Variants in HSPG2 observed in about 807,000 individuals in gnomAD.
The protein encoded by HSPG2 is basement membrane-specific heparan sulfate proteoglycan core protein.
HSPG2 carries 278 observed loss-of-function variants against 526.6 expected under a neutral mutation model. The ratio of observed to expected loss-of-function variants is 0.53; its 90% CI spans 0.48 to 0.58. HSPG2 has a LOEUF of 0.58. Among genes scored for constraint, HSPG2 ranks in the 20% least tolerant of loss-of-function variants. The pLI is 0.00. For synonymous variants in HSPG2, 2,465 were observed against 2,555.4 expected, an observed-to-expected ratio of 0.96 and a Z score of 1.07; for missense variants, 5,354 against 6,099.5, an observed-to-expected ratio of 0.88 and a Z score of 4.07.
Position 21,855,661 on chromosome 1 carries a change from G to A in HSPG2, c.5716C>T (p.Gln1906Ter). ...TGGATTTGTGCCTTCGCAGGGAGCTGGCCGCCGGGGCCCCCTGACGAGTAG... is the reference window on the plus strand; with the variant it reads ...TGGATTTGTGCCTTCGCAGGGAGCTAGCCGCCGGGGCCCCCTGACGAGTAG... ...TLEWTGGPGG[Q>*]LPAKAQIHGG... The change falls in exon 46 of 97, where the codon CAG becomes TAG. Residue 1906 changes from glutamine (Q) to a stop codon, truncating the protein, a stop_gained. Coordinates refer to ENST00000374695, the MANE Select transcript of HSPG2 (RefSeq NM_005529.7). LOFTEE classifies it high-confidence loss of function. 2.5e-6 allele frequency: 4 copies of A among 1,574,108 alleles called. No individual in the cohort carries two copies. The highest frequency in any genetic ancestry group is 1.1e-5 in the South Asian group (1 of 87,006).
chr1:21,887,146 G>A lies in HSPG2; in HGVS notation c.1078+69C>T. 6.3e-7 allele frequency: 1 copy of A among 1,579,802 alleles called. No individual in the cohort carries two copies. Among genetic ancestry groups the A allele is most frequent in the South Asian group, 1.1e-5 (1 of 89,400 alleles). ...GGCAGGGTAGGGGCGGGGCAGGAGTGGAAGGCGGGGCAGGAGCAAGCGGCC... is the reference window on the plus strand; with the variant it reads ...GGCAGGGTAGGGGCGGGGCAGGAGTAGAAGGCGGGGCAGGAGCAAGCGGCC... On this transcript the variant is annotated intron_variant, in intron 9 of 96. Transcript: ENST00000374695. This position sits in a 1 kb window ranked among gnomAD's most constrained non-coding sequence, Gnocchi z 5.0.
At chr1:21,908,685 A>T in intron 1 of HSPG2, 2 of 478,628 alleles carry the variant, frequency 4.2e-6, no homozygotes, top group Non-Finnish European at 7.3e-6. Context: ...TCACTGCTTA[A>T]TGAGTTTGAA....
chr1:21,843,498 T>G lies in HSPG2; in HGVS notation c.8617-60A>C, dbSNP rs2098058023. On this transcript the variant is annotated intron_variant, in intron 65 of 96. Transcript: ENST00000374695. ...CTGGGAGCCTTCAGATGCCCAGGCCTCTGGTACCCACACCCTGGGACTGCC... is the reference window on the plus strand; with the variant it reads ...CTGGGAGCCTTCAGATGCCCAGGCCGCTGGTACCCACACCCTGGGACTGCC... 6 of 1,556,842 alleles carry G rather than the reference T, an allele frequency of 3.9e-6. No homozygotes were observed. In the South Asian group the frequency reaches 7.0e-5, roughly 18 times the overall value.
rs139838884 is a variant in HSPG2, at chr1:21,844,159, C to G, written c.8605G>C (p.Ala2869Pro). 2.4e-4 allele frequency: 392 copies of G among 1,613,184 alleles called. 3 individuals are homozygous for G. Among genetic ancestry groups the G allele is most frequent in the African/African-American group, 1.5e-3 (113 of 75,060 alleles). ...TWHKRGGNLP[A>P]RHQVHGPLLR... ...TCCAGCTCCTTTACCTGGTGCCGGG[C>G]AGGGAGGTTTCCTCCACGCTTGTGC... is the stretch of plus-strand genomic sequence containing the variant. The change falls in exon 65 of 97, where the codon GCC becomes CCC. Residue 2869 changes from alanine (A) to proline (P), a missense_variant. Physicochemically the swap from Ala to Pro is conservative, Grantham distance 27 (BLOSUM62 -1). Coordinates refer to ENST00000374695, the MANE Select transcript of HSPG2 (RefSeq NM_005529.7).
intron 76 of HSPG2, 79 bp downstream of exon 76, chr1:21,835,461 A>AT: frequency 1.1e-6 from 1 of 918,188 alleles, no homozygotes; most frequent in Non-Finnish European, 1.8e-6. Context: ...CCTAGGGAAC[A>AT]GGGTCTGGGC....
intron 70 of HSPG2, 107 bp from the exon 71 acceptor site, chr1:21,841,392 A>C (rs963249592): frequency 1.3e-6 from 2 of 1,557,846 alleles, no homozygotes; most frequent in Non-Finnish European, 8.8e-7. Context: ...CTGTCTCCCC[A>C]CTGCACTGAG....
rs35937490 is a variant in HSPG2, at chr1:21,929,582, G to GTTT, written c.63+7570_63+7572dup. 1.2e-3 allele frequency among the ~76,000 whole-genome samples: 154 copies of GTTT among 125,160 alleles called. 1 individual carries two copies. Among genetic ancestry groups the GTTT allele is most frequent in the South Asian group, 2.9e-3 (11 of 3,808 alleles). The allele number at this position is 125,160 out of a possible 152,430, so 82.1% of individuals were successfully genotyped here. On this transcript the variant is annotated intron_variant, in intron 1 of 96. Transcript: ENST00000374695. ...GCCACCACTCCTGGCCCACCTGCCG[G>GTTT]TTTTTTTTTTTTTTTTTTTAGGAAT...
intron 1 of HSPG2, among the ~76,000 whole-genome samples, chr1:21,903,322 C>T (rs1437538827): frequency 2.0e-5 from 3 of 152,182 alleles, no homozygotes; most frequent in Admixed American, 6.5e-5. Flanking sequence ...AGCAAAAGGC[C>T]GGGCATGGTG....
chr1:21,886,073 C>T (rs968746952), intron 9 of HSPG2, among the ~76,000 whole-genome samples: 2 of 152,234 alleles, frequency 1.3e-5, no homozygotes, highest in Non-Finnish European at 2.9e-5. Flanking sequence ...GCGGAAGCCG[C>T]GCATCCACAG....
In HSPG2 at chr1:21,859,478, G is replaced by T; in HGVS notation, c.5293+88C>A. On this transcript the variant is annotated intron_variant, in intron 42 of 96. Transcript: ENST00000374695. This position sits in a 1 kb window ranked among gnomAD's most constrained non-coding sequence, Gnocchi z 5.3. The stretch of plus-strand genomic sequence containing the variant: ...TTCGGGCAACCACTGCCCCCTCCCA[G>T]CAGGTGAATGCACCATCTGCCTGAA... 1 of 1,015,614 alleles carries T rather than the reference G, an allele frequency of 9.8e-7. No homozygotes were observed. The allele number at this position is 1,015,614 out of a possible 1,614,324, so 62.9% of individuals were successfully genotyped here.
chr1:21,884,241 G>T (rs575921897), intron 13 of HSPG2, among the ~76,000 whole-genome samples: 2 of 152,132 alleles, frequency 1.3e-5, no homozygotes, highest in South Asian at 4.1e-4. Context: ...CTTGACCCAG[G>T]ACACAGGTGG....
Position 21,823,338 on chromosome 1 carries a change from T to C in HSPG2, c.13154A>G (p.Asn4385Ser), listed in dbSNP as rs535745871. 5 of 1,541,948 alleles carry C rather than the reference T, an allele frequency of 3.2e-6. No homozygotes were observed. In the African/African-American group the frequency reaches 6.8e-5, roughly 21 times the overall value. ...TGCCTACGAGGGGCAGGGGCGTGTG[T>C]TGGCCCCGGCCTGGGCGCGGTGCTG... is the stretch of plus-strand genomic sequence containing the variant. Reference protein sequence around the residue: ...DLQHRAQAGANTRPCPS With the variant: ...DLQHRAQAGASTRPCPS The change falls in exon 97 of 97, where the codon AAC becomes AGC. Residue 4385 changes from asparagine (N) to serine (S), a missense_variant. Transcript: ENST00000374695.
chr1:21,864,966 C>T lies in HSPG2; in HGVS notation c.4503G>A (p.Pro1501=), dbSNP rs781260091. ...LLIRATFSSV[P]LAASISAVSL... ...TGACTGCGCTGATGCTGGCCGCCAG[C>T]GGCACGGAGGAGAACGTGGCCCGGA... The change falls in exon 36 of 97, where the codon CCG becomes CCA. Residue 1501 remains proline, a synonymous_variant. Coordinates refer to ENST00000374695, the MANE Select transcript of HSPG2 (RefSeq NM_005529.7). The surrounding 1 kb of genome is among the most constrained non-coding windows in gnomAD (Gnocchi z 4.8). 13 of 1,597,018 alleles carry T rather than the reference C, an allele frequency of 8.1e-6. No individual in the cohort carries two copies. Among genetic ancestry groups the T allele is most frequent in the East Asian group, 2.3e-5 (1 of 43,982 alleles).
Position 21,900,988 on chromosome 1 carries a change from T to C in HSPG2, c.64-4678A>G, listed in dbSNP as rs142405955. 5.1e-3 allele frequency among the ~76,000 whole-genome samples: 777 copies of C among 152,224 alleles called. 5 individuals are homozygous for C. Among genetic ancestry groups the C allele is most frequent in the African/African-American group, 0.017 (689 of 41,526 alleles). ...TCCACTCAGAGGGAAGAGTCCTGTG[T>C]TTCACTGTAGCAATATTACCGTTGT... On this transcript the variant is annotated intron_variant, in intron 1 of 96. Transcript: ENST00000374695.
intron 50 of HSPG2, among the ~76,000 whole-genome samples, chr1:21,853,383 C>T (rs566205678): frequency 6.6e-6 from 1 of 152,356 alleles, no homozygotes. Context: ...CAGTGAGACA[C>T]CTCCCTTCTA....
rs776133711 is a variant in HSPG2 at position 21,855,611 on chromosome 1, A to C, written c.5766T>G (p.Ala1922=). 2.5e-6 allele frequency: 4 copies of C among 1,581,290 alleles called. No individual in the cohort carries two copies. The Admixed American group carries it at 7.2e-5, about 29-fold the overall frequency. The change falls in exon 46 of 97, where the codon GCT becomes GCG. Residue 1922 remains alanine (A), a synonymous_variant. Coordinates refer to ENST00000374695, the MANE Select transcript of HSPG2 (RefSeq NM_005529.7). The part of the protein sequence containing the change: ...QIHGGILRLP[A]VEPTDQAQYL... ...ACTGGGCCTGATCCGTGGGCTCGAC[A>C]GCTGGCAGGCGCAGGATGCCGCCGT...
chr1:21,904,857 C>T lies in HSPG2; in HGVS notation c.64-8547G>A, dbSNP rs576530079. ...CTCAGGTTCTCCGGCTCCCAGCTGC[C>T]CTGCTGCCCTGGCAGGTCTGTGGGG... On this transcript the variant is annotated intron_variant, in intron 1 of 96. Coordinates refer to ENST00000374695, the MANE Select transcript of HSPG2 (RefSeq NM_005529.7). The surrounding 1 kb of genome is among the most constrained non-coding windows in gnomAD (Gnocchi z 4.4). Among the ~76,000 whole-genome samples the T allele has an allele frequency of 2.6e-5, 4 of 152,300 alleles. No homozygotes were observed. Among genetic ancestry groups the T allele is most frequent in the Non-Finnish European group, 4.4e-5 (3 of 68,020 alleles).
chr1:21,891,155 C>A (rs1466484033), intron 3 of HSPG2, among the ~76,000 whole-genome samples: 1 of 152,224 alleles, frequency 6.6e-6, no homozygotes, highest in Non-Finnish European at 1.5e-5. Flanking sequence ...GTAGAGACCG[C>A]TCCCCTGGGC....
Position 21,843,516 on chromosome 1 carries a change from G to A in HSPG2, c.8617-78C>T, listed in dbSNP as rs2098058070. 7 of 1,482,410 alleles carry A rather than the reference G, an allele frequency of 4.7e-6. No homozygotes were observed. In the Admixed American group the frequency reaches 1.2e-4, roughly 25 times the overall value. The allele number at this position is 1,482,410 out of a possible 1,614,324, so 91.8% of individuals were successfully genotyped here. On this transcript the variant is annotated intron_variant, in intron 65 of 96. Transcript: ENST00000374695. The stretch of plus-strand genomic sequence containing the variant: ...CCAGGCCTCTGGTACCCACACCCTG[G>A]GACTGCCATGCACAGATATGTAGGC...
Sources: allele counts gnomAD v4.1 joint callset (sites outside exome capture counted in the v4.1 genomes callset), GRCh38; gene constraint gnomAD v4.1.1; non-coding constraint Gnocchi (gnomAD v3.1); transcripts MANE v1.5; gene names NCBI Gene and HGNC (gene_info 2026-07-23, HGNC 2026-07-21).